STARD13: variants seen among roughly 807,000 people sequenced by gnomAD.
The protein encoded by STARD13 is stAR-related lipid transfer protein 13.
In STARD13, 62 loss-of-function variants were observed where a neutral mutation model predicts 106.4. The observed-to-expected ratio is 0.58, with a 90% confidence interval of 0.48 to 0.72. The LOEUF (loss-of-function observed/expected upper bound fraction) is 0.72. Among genes scored for constraint, STARD13 ranks in the 30% least tolerant of loss-of-function variants. The pLI is 0.00. For synonymous variants in STARD13, 565 were observed against 553.0 expected, an observed-to-expected ratio of 1.02 and a Z score of -0.31; for missense variants, 1,387 against 1,424.0, an observed-to-expected ratio of 0.97 and a Z score of 0.42.
chr13:33,423,096 G>A, the STARD13 span, among the ~76,000 whole-genome samples: 1 of 152,122 alleles, frequency 6.6e-6, no homozygotes, highest in Non-Finnish European at 1.5e-5. Flanking sequence ...TAGACAAATG[G>A]GATCTAATTA....
chr13:33,433,071 T>A, the STARD13 span, among the ~76,000 whole-genome samples: 2 of 152,222 alleles, frequency 1.3e-5, no homozygotes, highest in African/African-American at 4.8e-5. Context: ...AGGATGTTTT[T>A]CAGCAAACGT....
At chr13:33,598,523 A>T in the STARD13 span, among the ~76,000 whole-genome samples, 1 of 152,240 alleles carries the variant, frequency 6.6e-6, no homozygotes, top group African/African-American at 2.4e-5. Flanking sequence ...CAAGATTTGC[A>T]AGTGTAGAAA....
intron 2 of STARD13, among the ~76,000 whole-genome samples, chr13:33,166,850 C>A (rs577293065): frequency 6.6e-6 from 1 of 151,836 alleles, no homozygotes; most frequent in Non-Finnish European, 1.5e-5. Context: ...CAAAAATTGG[C>A]CAGGTGTGGT....
intron 4 of STARD13, among the ~76,000 whole-genome samples, chr13:33,133,972 A>T (rs994330217): frequency 6.6e-6 from 1 of 152,076 alleles, no homozygotes; most frequent in Non-Finnish European, 1.5e-5. Flanking sequence ...TTAACAATGA[A>T]TAGTTTGTGA....
At chr13:33,661,455 A>G in the STARD13 span, 1 of 152,164 alleles carries the variant, frequency 6.6e-6, no homozygotes. Flanking sequence ...GTGTGTAGGT[A>G]CTCTACTGGT....
intron 1 of STARD13, among the ~76,000 whole-genome samples, chr13:33,337,035 A>T (rs770538139): frequency 1.3e-5 from 2 of 152,136 alleles, no homozygotes; most frequent in Non-Finnish European, 2.9e-5. Context: ...TGTATATTTT[A>T]CAAGGTTAAA....
At chr13:33,595,479 T>G in the STARD13 span, among the ~76,000 whole-genome samples, 1 of 152,050 alleles carries the variant, frequency 6.6e-6, no homozygotes, top group Non-Finnish European at 1.5e-5. Flanking sequence ...AAAGAGAAAA[T>G]TTAAATTATA....
the STARD13 span, among the ~76,000 whole-genome samples, chr13:33,599,281 A>C: frequency 1.3e-5 from 2 of 152,218 alleles, no homozygotes; most frequent in Admixed American, 1.3e-4. Context: ...ATAACACTGG[A>C]ACTAGATTAT....
the STARD13 span, among the ~76,000 whole-genome samples, chr13:33,582,418 T>A: frequency 6.6e-6 from 1 of 152,040 alleles, no homozygotes; most frequent in Non-Finnish European, 1.5e-5. Context: ...AATCATAACA[T>A]CCTCAAACTT....
At chr13:33,306,843 G>T (rs529024114) in intron 1 of STARD13, among the ~76,000 whole-genome samples, 4 of 152,084 alleles carry the variant, frequency 2.6e-5, no homozygotes, top group Non-Finnish European at 5.9e-5. Flanking sequence ...CCAGCTACTC[G>T]GGAGGCTGAG....
chr13:33,171,515 C>T (rs926366409), intron 1 of STARD13, among the ~76,000 whole-genome samples: 8 of 152,304 alleles, frequency 5.3e-5, no homozygotes, highest in Admixed American at 3.3e-4. Context: ...ATTCTGATAA[C>T]GGAACCTCTT....
chr13:33,112,531 ATCT>A (rs1566531966), intron 9 of STARD13, among the ~76,000 whole-genome samples, 187 bp downstream of exon 9: 1 of 152,064 alleles, frequency 6.6e-6, no homozygotes, highest in Non-Finnish European at 1.5e-5. Context: ...GTCATCTATC[ATCT>A]ATGTATCAAC....
the STARD13 span, among the ~76,000 whole-genome samples, chr13:33,671,492 A>C: frequency 6.6e-6 from 1 of 152,206 alleles, no homozygotes. Context: ...CAACACTGAG[A>C]GGCTGAGGCA....
intron 1 of STARD13, among the ~76,000 whole-genome samples, chr13:33,201,075 AT>A (rs58671766): frequency 0.031 from 4,674 of 150,382 alleles, 178 homozygotes; most frequent in African/African-American, 0.077. Context: ...AAAAATAAAA[AT>A]AAAAAAATAA....
At chr13:33,497,864 A>C in the STARD13 span, among the ~76,000 whole-genome samples, 1 of 152,178 alleles carries the variant, frequency 6.6e-6, no homozygotes, top group East Asian at 1.9e-4. Context: ...AATGATAATG[A>C]TTTAGTAAAT....
chr13:33,285,331 T>A, intron 1 of STARD13, 139 bp downstream of exon 1: 1 of 930,918 alleles, frequency 1.1e-6, no homozygotes, highest in Non-Finnish European at 1.6e-6. Context: ...TAAAGTTATT[T>A]TTCAAAGTTA....
upstream of STARD13, among the ~76,000 whole-genome samples, chr13:33,287,816 G>A (rs1179931260): frequency 2.0e-5 from 3 of 152,144 alleles, no homozygotes; most frequent in African/African-American, 7.2e-5. Context: ...TTTACTGGAA[G>A]AGAATGGAAG....
At chr13:33,301,178 C>A (rs1319714921) in intron 1 of STARD13, among the ~76,000 whole-genome samples, 1 of 152,124 alleles carries the variant, frequency 6.6e-6, no homozygotes, top group African/African-American at 2.4e-5. Flanking sequence ...TAGTCCAGTG[C>A]CTGGTACATA....
chr13:33,260,895 A>G (rs1392390720), intron 1 of STARD13, among the ~76,000 whole-genome samples: 1 of 152,186 alleles, frequency 6.6e-6, no homozygotes, highest in Non-Finnish European at 1.5e-5. Context: ...AAGAGTTAAC[A>G]CTTATTCCTC....
Sources: allele counts gnomAD v4.1 joint callset (sites outside exome capture counted in the v4.1 genomes callset), GRCh38; gene constraint gnomAD v4.1.1; transcripts MANE v1.5; gene names NCBI Gene and HGNC (gene_info 2026-07-23, HGNC 2026-07-21).